DNAJC2: variants seen among roughly 807,000 people sequenced by gnomAD.
DNAJC2 encodes the protein dnaJ homolog subfamily C member 2.
A neutral mutation model predicts 94.0 loss-of-function variants in DNAJC2; 32 were observed. The ratio of observed to expected loss-of-function variants is 0.34; its 90% CI spans 0.26 to 0.46. The LOEUF is 0.46. DNAJC2 is among the 20% of genes least tolerant of loss of function. The pLI, the probability that DNAJC2 is intolerant of heterozygous loss-of-function variation, is 1.00. For synonymous variants in DNAJC2, 210 were observed against 229.7 expected (o/e 0.91, Z 0.77); for missense variants, 550 against 719.5 (o/e 0.76, Z 2.69).
chr7:103,325,265 G>A (rs111584580), intron 5 of DNAJC2, among the ~76,000 whole-genome samples: 3 of 152,244 alleles, frequency 2.0e-5, no homozygotes, highest in African/African-American at 7.2e-5. Context: ...CCAATATGGT[G>A]AAACCCCGTC....
At chr7:103,319,977 CA>C in intron 10 of DNAJC2, 133 bp from the exon 11 acceptor site, 2 of 846,888 alleles carry the variant, frequency 2.4e-6, no homozygotes, top group Non-Finnish European at 3.8e-6. Flanking sequence ...GAAATTGCAG[CA>C]AACTGAGATC....
rs61743658 is a variant in DNAJC2 at position 103,323,621 on chromosome 7, T to C, written c.696A>G (p.Glu232=). 1,012 of 1,464,608 alleles carry C rather than the reference T, an allele frequency of 6.9e-4. 6 individuals are homozygous for C. In the African/African-American group the frequency reaches 0.013, roughly 19 times the overall value. The allele number at this position is 1,464,608 out of a possible 1,614,324, so 90.7% of individuals were successfully genotyped here. The change falls in exon 7 of 17, where the codon GAA becomes GAG. Residue 232 remains glutamate (E), a synonymous_variant. Transcript: ENST00000379263. ...ACCATTCTGCTTTTTCTTTTTCTTC[T>C]TCATCTAAATAAGAAAATTCTCTCC... ...DSWREFSYLD[E]EEKEKAECRD...
In DNAJC2 at chr7:103,329,873, C is replaced by T. The variant is rs1194016908; in HGVS notation, c.332-2119G>A. ...TTCTAGGCAGATCCTATATTATCTA[C>T]AAATAATATATTTATTTCCTTCTTT... On this transcript the variant is annotated intron_variant, in intron 3 of 16. Transcript: ENST00000379263. 4.6e-5 allele frequency among the ~76,000 whole-genome samples: 7 copies of T among 152,170 alleles called. No individual in the cohort carries two copies. In the East Asian group the frequency reaches 1.2e-3, roughly 25 times the overall value.
chr7:103,344,355 G>C (rs1037180085), intron 1 of DNAJC2: 6 of 601,446 alleles, frequency 1.0e-5, no homozygotes, highest in Non-Finnish European at 1.8e-5. Context: ...AGGAGCAAAA[G>C]GAAGGCACCC....
chr7:103,316,751 A>G (rs1312750752), intron 13 of DNAJC2, 79 bp downstream of exon 13: 2 of 1,176,238 alleles, frequency 1.7e-6, no homozygotes, highest in Non-Finnish European at 2.4e-6. Context: ...TGTGATAACA[A>G]GTGCTGCTAT....
At chr7:103,327,388 T>C (rs2115946283) in intron 4 of DNAJC2, 1 of 1,176,708 alleles carries the variant, frequency 8.5e-7, no homozygotes, top group East Asian at 4.0e-5. Flanking sequence ...CCTGTTAAAA[T>C]GCAGATTTTA....
chr7:103,318,337 G>C (rs1818189599), intron 12 of DNAJC2, among the ~76,000 whole-genome samples: 1 of 152,040 alleles, frequency 6.6e-6, no homozygotes, highest in Non-Finnish European at 1.5e-5. Flanking sequence ...GTTAATTTTT[G>C]TATTTTCGGT....
At chr7:103,341,638 C>A in intron 2 of DNAJC2, 126 bp downstream of exon 2, 1 of 757,136 alleles carries the variant, frequency 1.3e-6, no homozygotes. Context: ...TAGTAATAAA[C>A]AGATGCTAAA....
At chr7:103,321,685 T>C (rs945381740) in intron 10 of DNAJC2, among the ~76,000 whole-genome samples, 7 of 151,516 alleles carry the variant, frequency 4.6e-5, no homozygotes, top group African/African-American at 1.7e-4. Context: ...CTGTCTCTAC[T>C]AAAAATACAA....
rs750821694 is a variant in DNAJC2, at chr7:103,322,009, A to G, written c.1006T>C (p.Leu336=). ...KEEEEVRQQA[L]LAKKEKDIQK... The stretch of plus-strand genomic sequence containing the variant: ...ATATCTTTTTCCTTCTTTGCCAGCA[A>G]TGCTTGCTGTCTGACTTCCTCCTCT... The change falls in exon 10 of 17, where the codon TTG becomes CTG. Residue 336 remains leucine, a synonymous_variant. Coordinates refer to ENST00000379263, the MANE Select transcript of DNAJC2 (RefSeq NM_014377.3). 1.4e-5 allele frequency: 23 copies of G among 1,613,794 alleles called. No homozygotes were observed. The South Asian group carries it at 2.3e-4, about 16-fold the overall frequency.
intron 3 of DNAJC2, among the ~76,000 whole-genome samples, chr7:103,328,487 T>G (rs1339810709): frequency 6.6e-6 from 1 of 151,864 alleles, no homozygotes; most frequent in Non-Finnish European, 1.5e-5. Flanking sequence ...AAAAACTAGC[T>G]GGGCGTGGTG....
chr7:103,342,562 C>A (rs1399727202), intron 1 of DNAJC2, among the ~76,000 whole-genome samples: 1 of 151,564 alleles, frequency 6.6e-6, no homozygotes, highest in Non-Finnish European at 1.5e-5. Flanking sequence ...GCCTCGGCCT[C>A]CCAAAGTGTT....
In DNAJC2 at chr7:103,318,344, C is replaced by T. The variant is rs2240242; in HGVS notation, c.1242+1265G>A. On this transcript the variant is annotated intron_variant, in intron 12 of 16. Coordinates refer to ENST00000379263, the MANE Select transcript of DNAJC2 (RefSeq NM_014377.3). ...CCATGCCAGTTAATTTTTGTATTTTCGGTAGAGATTTTGTTTATGTTGCCC... is the reference window on the plus strand; with the variant it reads ...CCATGCCAGTTAATTTTTGTATTTTTGGTAGAGATTTTGTTTATGTTGCCC... 1.0e-2 allele frequency among the ~76,000 whole-genome samples: 1,515 copies of T among 152,028 alleles called. 66 individuals carry two copies. In the East Asian group the frequency reaches 0.14, roughly 14 times the overall value.
At chr7:103,319,878 TCAAAAATA>T in intron 10 of DNAJC2, 34 bp from the exon 11 acceptor site, 2 of 1,599,536 alleles carry the variant, frequency 1.3e-6, no homozygotes, top group Non-Finnish European at 1.7e-6. Context: ...GTATCTACAC[TCAAAAATA>T]CATCCATCAA....
chr7:103,313,823 T>C (rs1309438609), intron 15 of DNAJC2: 1 of 985,324 alleles, frequency 1.0e-6, no homozygotes, highest in Non-Finnish European at 1.2e-6. Flanking sequence ...AGTCCACTTG[T>C]GTAGGTAAAA....
intron 3 of DNAJC2, among the ~76,000 whole-genome samples, chr7:103,329,964 TA>T (rs771638376): frequency 6.6e-6 from 1 of 152,136 alleles, no homozygotes; most frequent in Non-Finnish European, 1.5e-5. Context: ...GCATAAAAAA[TA>T]AAAAGCAGGC....
At chr7:103,336,895 C>T (rs991215813) in intron 3 of DNAJC2, 5 of 152,208 alleles carry the variant, frequency 3.3e-5, no homozygotes, top group Non-Finnish European at 7.3e-5. Context: ...ATCTACTATG[C>T]TAAGTATTGA....
chr7:103,322,921 C>A, intron 7 of DNAJC2, 127 bp from the exon 8 acceptor site: 3 of 760,294 alleles, frequency 3.9e-6, no homozygotes, highest in Non-Finnish European at 4.1e-6. Context: ...TCATTACTAA[C>A]ATTAAACAAT....
chr7:103,332,045 C>G (rs915918489), intron 3 of DNAJC2, among the ~76,000 whole-genome samples: 1 of 151,334 alleles, frequency 6.6e-6, no homozygotes, highest in Non-Finnish European at 1.5e-5. Flanking sequence ...TGCTCTGTCA[C>G]CCAGGTTGGA....
Sources: gnomAD v4.1 joint callset for allele counts (sites outside exome capture counted in the v4.1 genomes callset) on GRCh38, gnomAD v4.1.1 for gene constraint, MANE v1.5 for transcripts, NCBI Gene and HGNC (gene_info 2026-07-23, HGNC 2026-07-21) for gene names.